SRPK2: variants seen among roughly 807,000 people sequenced by gnomAD.
SRPK2 encodes SFRS protein kinase 2.
A neutral mutation model predicts 90.8 loss-of-function variants in SRPK2; 21 were observed. That is an observed-to-expected ratio of 0.23 (90% confidence interval 0.16 to 0.33). SRPK2 has a LOEUF of 0.33. Among genes scored for constraint, SRPK2 ranks in the 10% least tolerant of loss-of-function variants. SRPK2 has a pLI of 1.00. For synonymous variants in SRPK2, 288 were observed against 311.1 expected, an observed-to-expected ratio of 0.93 and a Z score of 0.78; for missense variants, 620 against 869.0, an observed-to-expected ratio of 0.71 and a Z score of 3.60.
At chr7:105,361,264 C>G (rs915011128) in intron 2 of SRPK2, among the ~76,000 whole-genome samples, 3 of 152,110 alleles carry the variant, frequency 2.0e-5, no homozygotes, top group African/African-American at 4.8e-5. Context: ...ATCCAACTTA[C>G]AAGGGATGTG....
In SRPK2 at chr7:105,162,499, T is replaced by C. The variant is rs144825482; in HGVS notation, c.515-1886A>G. Among the ~76,000 whole-genome samples the C allele has an allele frequency of 3.0e-3, 462 of 152,258 alleles. 2 individuals carry two copies. The highest frequency in any genetic ancestry group is 7.2e-3 in the African/African-American group (298 of 41,556). Reference sequence around the variant, plus strand: ...ATCCCTGGAGGCTTACATTTGACTTTAGAATCAAAAAAAGTAGTTGATTTA... The same window carrying C: ...ATCCCTGGAGGCTTACATTTGACTTCAGAATCAAAAAAAGTAGTTGATTTA... On this transcript the variant is annotated intron_variant, in intron 6 of 15. Coordinates refer to ENST00000393651, the MANE Select transcript of SRPK2 (RefSeq NM_182692.3).
At chr7:105,348,770 TAC>T (rs1563269618) in intron 2 of SRPK2, among the ~76,000 whole-genome samples, 1 of 151,610 alleles carries the variant, frequency 6.6e-6, no homozygotes, top group Non-Finnish European at 1.5e-5. Context: ...AATCAGATGA[TAC>T]ACTTTAAAAA....
chr7:105,142,953 A>G lies in SRPK2; in HGVS notation c.1060+131T>C, dbSNP rs879883586. On this transcript the variant is annotated intron_variant, in intron 10 of 15. Transcript: ENST00000393651. ...ACGAGGCTATTTCCCATATTTCCCA[A>G]TAGGGAGTTGGAGAGAATCATCCTT... 148 of 1,214,860 alleles carry G rather than the reference A, an allele frequency of 1.2e-4. 1 individual carries two copies. The highest frequency in any genetic ancestry group is 9.9e-4 in the Middle Eastern group (5 of 5,060). The allele number at this position is 1,214,860 out of a possible 1,614,324, so 75.3% of individuals were successfully genotyped here.
chr7:105,388,694 T>C lies in SRPK2; in HGVS notation c.25A>G (p.Ile9Val), dbSNP rs1349931713. ...TTCGGCCTCCGCTTTCGGGCCTGAA[T>C]GGCCAGCACTGGGGAAGAGAAGACA... Reference protein sequence around the residue: MSSRKVLAIQARKRRPKRE... With the variant: MSSRKVLAVQARKRRPKRE... Residue 9 changes from isoleucine (I) to valine (V), a missense_variant, in exon 2 of 16, where the codon ATT (isoleucine) becomes GTT (valine). This residue lies in a region of SRPK2 where 56 missense variants were observed against 49.6 expected (regional missense o/e 1.13). Transcript: ENST00000393651. The C allele has an allele frequency of 1.9e-6, 3 of 1,585,196 alleles. No homozygotes were observed. The highest frequency in any genetic ancestry group is 4.7e-5 in the East Asian group (2 of 42,458).
At position 105,227,271 on chromosome 7, in the gene SRPK2, C is replaced by T. The variant is rs548240869; in HGVS notation, c.72-23486G>A. 1.2e-4 allele frequency among the ~76,000 whole-genome samples: 18 copies of T among 152,224 alleles called. No homozygotes were observed. The South Asian group carries it at 3.7e-3, about 32-fold the overall frequency. ...TTCGTTAGTGGTGATCTGTGAGATC[C>T]TAATGCATCCATCACCCAAGCAGTA... On this transcript the variant is annotated intron_variant, in intron 2 of 15. Transcript: ENST00000393651.
intron 2 of SRPK2, among the ~76,000 whole-genome samples, chr7:105,255,943 G>A (rs374753446): frequency 2.1e-4 from 28 of 134,642 alleles, no homozygotes; most frequent in South Asian, 4.4e-4. Context: ...AAAAAAAAGA[G>A]AGAGAGCGAG....
At chr7:105,334,451 G>A (rs1185096679) in intron 2 of SRPK2, among the ~76,000 whole-genome samples, 1 of 149,822 alleles carries the variant, frequency 6.7e-6, no homozygotes, top group Non-Finnish European at 1.5e-5. Flanking sequence ...CTCGAACTCC[G>A]ACCTCATGAT....
chr7:105,354,419 A>C (rs953754370), intron 2 of SRPK2, among the ~76,000 whole-genome samples: 3 of 152,090 alleles, frequency 2.0e-5, no homozygotes, highest in Non-Finnish European at 4.4e-5. Flanking sequence ...CCCCTAACGA[A>C]TCACTCCAGG....
intron 3 of SRPK2, among the ~76,000 whole-genome samples, chr7:105,197,283 T>G (rs574370083): frequency 5.7e-4 from 87 of 152,328 alleles, no homozygotes; most frequent in African/African-American, 1.8e-3. Context: ...GTGTGTATAC[T>G]TATAATATTT....
Position 105,262,886 on chromosome 7 carries a change from C to A in SRPK2, c.72-59101G>T, listed in dbSNP as rs1005578062. Among the ~76,000 whole-genome samples the A allele has an allele frequency of 6.6e-5, 10 of 152,230 alleles. No homozygotes were observed. In the East Asian group the frequency reaches 1.7e-3, roughly 26 times the overall value. On this transcript the variant is annotated intron_variant, in intron 2 of 15. Coordinates refer to ENST00000393651, the MANE Select transcript of SRPK2 (RefSeq NM_182692.3). The stretch of plus-strand genomic sequence containing the variant: ...ATATACAATACCAAATTGAAAAGAA[C>A]CTGGAGCATACACAGTTGGTGGAAG...
intron 2 of SRPK2, among the ~76,000 whole-genome samples, chr7:105,241,746 C>T (rs1042298735): frequency 6.6e-6 from 1 of 152,128 alleles, no homozygotes; most frequent in Admixed American, 6.5e-5. Flanking sequence ...TCGAGTCAGA[C>T]GTGATATTTC....
chr7:105,218,091 C>A (rs889982699), intron 2 of SRPK2, among the ~76,000 whole-genome samples: 1 of 152,154 alleles, frequency 6.6e-6, no homozygotes, highest in Non-Finnish European at 1.5e-5. Context: ...ATGGCCTGAG[C>A]AGGAGAAGGT....
At chr7:105,122,435 C>G (rs1470048740) in intron 15 of SRPK2, among the ~76,000 whole-genome samples, 1 of 152,124 alleles carries the variant, frequency 6.6e-6, no homozygotes, top group African/African-American at 2.4e-5. Context: ...AAACCAAACG[C>G]CCATCATCTG....
intron 2 of SRPK2, among the ~76,000 whole-genome samples, chr7:105,276,084 ATT>A (rs777947696): frequency 4.6e-5 from 4 of 86,306 alleles, no homozygotes; most frequent in African/African-American, 7.2e-5. Flanking sequence ...ATATATATAT[ATT>A]TTTTTTTTTT....
rs145159762 is a variant in SRPK2 at position 105,178,740 on chromosome 7, T to A, written c.230-9475A>T. On this transcript the variant is annotated intron_variant, in intron 3 of 15. Coordinates refer to ENST00000393651, the MANE Select transcript of SRPK2 (RefSeq NM_182692.3). ...CGAAGGATCACTTGGGTCCAGGAGG[T>A]CGAAGCTGCAATGAGTAGTGATGAC... Among the ~76,000 whole-genome samples, 473 of 151,800 alleles carry A rather than the reference T, an allele frequency of 3.1e-3. 2 individuals are homozygous for A. The highest frequency in any genetic ancestry group is 5.3e-3 in the Non-Finnish European group (359 of 67,928).
chr7:105,166,235 T>C (rs1467653604), intron 6 of SRPK2, among the ~76,000 whole-genome samples: 2 of 152,212 alleles, frequency 1.3e-5, no homozygotes, highest in African/African-American at 4.8e-5. Flanking sequence ...AATCTGAAAC[T>C]GAACAACTAA....
At chr7:105,215,449 GTAAAAAA>G (rs1046741243) in intron 2 of SRPK2, among the ~76,000 whole-genome samples, 1 of 152,166 alleles carries the variant, frequency 6.6e-6, no homozygotes, top group African/African-American at 2.4e-5. Flanking sequence ...ATCTCAGAAA[GTAAAAAA>G]GAGTTATGAT....
At chr7:105,355,970 A>C (rs774941682) in intron 2 of SRPK2, among the ~76,000 whole-genome samples, 2 of 152,100 alleles carry the variant, frequency 1.3e-5, no homozygotes, top group Non-Finnish European at 2.9e-5. Context: ...ATCACCTGAA[A>C]CTGGAAGGCA....
At chr7:105,144,068 G>GTTT (rs1804185328) in intron 9 of SRPK2, 1 of 152,286 alleles carries the variant, frequency 6.6e-6, no homozygotes, top group African/African-American at 2.4e-5. Context: ...TAAAAATAGT[G>GTTT]TTTTGTTGTT....
Sources: allele counts gnomAD v4.1 joint callset (sites outside exome capture counted in the v4.1 genomes callset), GRCh38; gene constraint gnomAD v4.1.1; regional missense constraint gnomAD v4.1.1; transcripts MANE v1.5; gene names NCBI Gene and HGNC (gene_info 2026-07-23, HGNC 2026-07-21).